Variants in GPC6 observed in about 807,000 individuals in gnomAD.
GPC6 encodes the protein glypican 6, also known as glypican-6.
Under a neutral mutation model 55.2 loss-of-function variants are expected in GPC6, and 14 were observed. The observed-to-expected ratio is 0.25, with a 90% CI of 0.17 to 0.40. The LOEUF is 0.40. Ranked by LOEUF, GPC6 falls within the 10% of genes least tolerant of loss-of-function variation. GPC6 has a pLI of 1.00. For synonymous variants in GPC6, 278 were observed against 259.6 expected (o/e 1.07, Z -0.68); for missense variants, 641 against 708.5 (o/e 0.90, Z 1.08).
chr13:93,886,476 G>A (rs541973175), intron 3 of GPC6, among the ~76,000 whole-genome samples: 4 of 151,834 alleles, frequency 2.6e-5, no homozygotes, highest in South Asian at 4.1e-4. Context: ...GAGGTATCAG[G>A]CTTAAGGTAA....
intron 6 of GPC6, among the ~76,000 whole-genome samples, chr13:94,328,229 T>C (rs1877224569): frequency 6.6e-6 from 1 of 152,236 alleles, no homozygotes. Context: ...TCTGTATTTT[T>C]AACAAGTTCG....
At position 93,723,198 on chromosome 13, in the gene GPC6, G is replaced by A. The variant is rs74108604; in HGVS notation, c.320-106956G>A. ...ACCTACCAACAGTGCATTGTTGTAG[G>A]TAGAGCTGATATTGCTACAGGTTTT... On this transcript the variant is annotated intron_variant, in intron 2 of 8. Transcript: ENST00000377047. Among the ~76,000 whole-genome samples the A allele has an allele frequency of 8.1e-3, 1,227 of 152,012 alleles. 15 individuals carry two copies. Among genetic ancestry groups the A allele is most frequent in the African/African-American group, 0.028 (1,154 of 41,504 alleles).
chr13:93,556,710 T>A lies in GPC6; in HGVS notation c.319+11289T>A, dbSNP rs570168971. Among the ~76,000 whole-genome samples the A allele has an allele frequency of 5.1e-4, 77 of 152,142 alleles. No homozygotes were observed. In the South Asian group the frequency reaches 0.013, roughly 25 times the overall value. ...CCACCACTCACTCGCTGCCCGTCAC[T>A]CCCCTTCCCAACCTCTGGTAACCAC... On this transcript the variant is annotated intron_variant, in intron 2 of 8. Coordinates refer to ENST00000377047, the MANE Select transcript of GPC6 (RefSeq NM_005708.5).
intron 2 of GPC6, among the ~76,000 whole-genome samples, chr13:93,683,801 A>G (rs1881942677): frequency 6.6e-6 from 1 of 152,168 alleles, no homozygotes; most frequent in Non-Finnish European, 1.5e-5. Context: ...CTGCTATAAC[A>G]AAGTATTATA....
intron 3 of GPC6, among the ~76,000 whole-genome samples, chr13:93,970,065 A>G (rs1195769858): frequency 6.6e-6 from 1 of 152,224 alleles, no homozygotes; most frequent in Non-Finnish European, 1.5e-5. Context: ...AGTTGTCTAT[A>G]GTGATGAAAC....
At position 94,194,951 on chromosome 13, in the gene GPC6, C is replaced by T. The variant is rs114272645; in HGVS notation, c.878-91398C>T. On this transcript the variant is annotated intron_variant, in intron 4 of 8. Coordinates refer to ENST00000377047, the MANE Select transcript of GPC6 (RefSeq NM_005708.5). ...TGTGTATATGTACCCTTCCCACACA[C>T]ACACACATAACCAAGGGCAAATCTA... 4.0e-3 allele frequency among the ~76,000 whole-genome samples: 611 copies of T among 152,096 alleles called. 3 individuals carry two copies. The highest frequency in any genetic ancestry group is 0.014 in the African/African-American group (588 of 41,456).
At chr13:93,847,410 T>C (rs566082647) in intron 3 of GPC6, among the ~76,000 whole-genome samples, 2 of 152,128 alleles carry the variant, frequency 1.3e-5, no homozygotes. Flanking sequence ...CGTCACTGGG[T>C]TAAATGACTC....
chr13:94,377,601 C>A (rs1333864187), intron 6 of GPC6, among the ~76,000 whole-genome samples: 6 of 149,382 alleles, frequency 4.0e-5, no homozygotes, highest in East Asian at 2.0e-4. Flanking sequence ...GTTGGTGGGA[C>A]TGTAAACTAG....
chr13:94,317,853 G>A (rs1012982440), intron 6 of GPC6, among the ~76,000 whole-genome samples: 1 of 152,034 alleles, frequency 6.6e-6, no homozygotes, highest in African/African-American at 2.4e-5. Flanking sequence ...GAGTGTGAGA[G>A]TGTGTGTGTG....
intron 1 of GPC6, among the ~76,000 whole-genome samples, chr13:93,344,380 T>C (rs1016229451): frequency 6.7e-4 from 102 of 152,198 alleles, no homozygotes; most frequent in Non-Finnish European, 1.4e-3. Context: ...TCTTGGATTA[T>C]ATTGTTTCCC....
intron 3 of GPC6, among the ~76,000 whole-genome samples, chr13:93,996,822 G>A (rs548081272): frequency 2.9e-4 from 44 of 152,212 alleles, no homozygotes; most frequent in African/African-American, 1.1e-3. Flanking sequence ...GAAGTTCGTA[G>A]GCTTGTCACT....
chr13:93,597,007 CAAAAAA>C lies in GPC6; in HGVS notation c.319+51604_319+51609del, dbSNP rs10709473. Among the ~76,000 whole-genome samples, 490 of 68,044 alleles carry C rather than the reference CAAAAAA, an allele frequency of 7.2e-3. 2 individuals are homozygous for C. The highest frequency in any genetic ancestry group is 0.017 in the African/African-American group (455 of 26,172). The allele number at this position is 68,044 out of a possible 152,430, so 44.6% of individuals were successfully genotyped here. ...AACTTATATTTTAGTTCAAATCTGG[CAAAAAA>C]AAAAAAAAAAAAAAAAAGAAAAGAA... On this transcript the variant is annotated intron_variant, in intron 2 of 8. Coordinates refer to ENST00000377047, the MANE Select transcript of GPC6 (RefSeq NM_005708.5).
At chr13:93,382,697 C>A (rs1236201431) in intron 1 of GPC6, among the ~76,000 whole-genome samples, 1 of 152,128 alleles carries the variant, frequency 6.6e-6, no homozygotes, top group Non-Finnish European at 1.5e-5. Context: ...TGACATTATG[C>A]CATTACTTTC....
chr13:93,915,086 A>T (rs747278390), intron 3 of GPC6, among the ~76,000 whole-genome samples: 1 of 152,148 alleles, frequency 6.6e-6, no homozygotes, highest in Admixed American at 6.5e-5. Flanking sequence ...AAGGTGCTCT[A>T]TATTTTCTTA....
chr13:93,792,502 T>C (rs1854730), intron 2 of GPC6, among the ~76,000 whole-genome samples: 6 of 151,820 alleles, frequency 4.0e-5, no homozygotes, highest in African/African-American at 1.5e-4. Flanking sequence ...GTAGAGATGG[T>C]TTTTCACCAC....
At chr13:94,373,157 C>G (rs1351375464) in intron 6 of GPC6, among the ~76,000 whole-genome samples, 1 of 152,104 alleles carries the variant, frequency 6.6e-6, no homozygotes, top group East Asian at 1.9e-4. Context: ...AGCAGAGCGC[C>G]TCTCCTCCTC....
In GPC6 at chr13:93,662,079, A is replaced by T. The variant is rs958329904; in HGVS notation, c.319+116658A>T. On this transcript the variant is annotated intron_variant, in intron 2 of 8. Transcript: ENST00000377047. ...CCCTACTAGCATGAAATCATCCCCT[A>T]TGTGAGTTAGAAGTCATCCATCTAA... Among the ~76,000 whole-genome samples the T allele has an allele frequency of 3.9e-4, 60 of 152,098 alleles. 2 individuals are homozygous for T. The highest frequency in any genetic ancestry group is 7.4e-5 in the Non-Finnish European group (5 of 68,008).
At chr13:93,684,493 A>C (rs1184106639) in intron 2 of GPC6, among the ~76,000 whole-genome samples, 1 of 152,082 alleles carries the variant, frequency 6.6e-6, no homozygotes, top group East Asian at 1.9e-4. Context: ...AAGCCTGCAA[A>C]ATTTTTAAAT....
At chr13:94,370,375 A>T (rs1879485853) in intron 6 of GPC6, among the ~76,000 whole-genome samples, 1 of 152,196 alleles carries the variant, frequency 6.6e-6, no homozygotes, top group African/African-American at 2.4e-5. Flanking sequence ...CTTAGCTAGG[A>T]CTATAATGTT....
Sources: gnomAD v4.1 joint callset for allele counts (sites outside exome capture counted in the v4.1 genomes callset) on GRCh38, gnomAD v4.1.1 for gene constraint, MANE v1.5 for transcripts, NCBI Gene and HGNC (gene_info 2026-07-23, HGNC 2026-07-21) for gene names.